RAPGEF5: variants seen among roughly 807,000 people sequenced by gnomAD.
RAPGEF5 encodes Rap guanine nucleotide exchange factor 5.
RAPGEF5 carries 65 observed loss-of-function variants against 125.2 expected under a neutral mutation model. That is an observed-to-expected ratio of 0.52 (90% CI 0.43 to 0.64). RAPGEF5 has a LOEUF of 0.64. Among genes scored for constraint, RAPGEF5 ranks in the 30% least tolerant of loss-of-function variants. The probability of loss-of-function intolerance (pLI) is 0.00; values close to 1 mark genes in which losing one functional copy is unlikely to be tolerated. For synonymous variants in RAPGEF5, 391 were observed against 385.9 expected (o/e 1.01, Z -0.16); for missense variants, 958 against 1,048.1 (o/e 0.91, Z 1.19).
intron 1 of RAPGEF5, among the ~76,000 whole-genome samples, chr7:22,338,065 T>C (rs755158110): frequency 5.3e-5 from 8 of 152,242 alleles, no homozygotes; most frequent in South Asian, 2.1e-4. Flanking sequence ...AGTAAAAGTA[T>C]TTTTAGCAAG....
In RAPGEF5 at chr7:22,357,099, C is replaced by G; in HGVS notation, c.-39G>C. ...TGCGGCGCCGGGGGCTCCTCTCCACCGCGCTCGCCTCCGCGCGCCGTCCGC... is the reference window on the plus strand; with the variant it reads ...TGCGGCGCCGGGGGCTCCTCTCCACGGCGCTCGCCTCCGCGCGCCGTCCGC... On this transcript the variant is annotated 5_prime_UTR_variant, in exon 1 of 26. Coordinates refer to ENST00000665637, the MANE Select transcript of RAPGEF5 (RefSeq NM_012294.5). 3.0e-6 allele frequency: 3 copies of G among 989,698 alleles called. No homozygotes were observed. The highest frequency in any genetic ancestry group is 3.6e-6 in the Non-Finnish European group (3 of 825,346). 61.3% of individuals were successfully genotyped at this position (989,698 alleles called of 1,614,324 possible).
chr7:22,250,986 A>C (rs991446150), intron 7 of RAPGEF5, among the ~76,000 whole-genome samples: 10 of 152,236 alleles, frequency 6.6e-5, no homozygotes, highest in African/African-American at 2.2e-4. Flanking sequence ...AGAACTGCTA[A>C]ATTTTGGTAG....
At chr7:22,344,458 G>A (rs1028280577) in intron 1 of RAPGEF5, among the ~76,000 whole-genome samples, 1 of 152,162 alleles carries the variant, frequency 6.6e-6, no homozygotes, top group Non-Finnish European at 1.5e-5. Context: ...GAGGTGACGC[G>A]ATTGAGGAGG....
At chr7:22,315,233 G>A (rs1783563258) in intron 3 of RAPGEF5, 137 bp downstream of exon 3, 1 of 982,816 alleles carries the variant, frequency 1.0e-6, no homozygotes, top group Non-Finnish European at 1.4e-6. Context: ...GTCACCATCA[G>A]TTTCCCCAAT....
intron 9 of RAPGEF5, among the ~76,000 whole-genome samples, chr7:22,201,092 T>G (rs1265092874): frequency 6.6e-6 from 1 of 152,030 alleles, no homozygotes; most frequent in Admixed American, 6.6e-5. Context: ...AAGAGGGAGA[T>G]CTTAACTAGC....
intron 1 of RAPGEF5, among the ~76,000 whole-genome samples, chr7:22,345,376 CA>C (rs931428075): frequency 6.6e-6 from 1 of 152,172 alleles, no homozygotes; most frequent in African/African-American, 2.4e-5. Flanking sequence ...CAATTTCAGG[CA>C]CTGATGATGA....
chr7:22,313,303 C>T (rs1783515768), intron 3 of RAPGEF5, among the ~76,000 whole-genome samples: 1 of 152,202 alleles, frequency 6.6e-6, no homozygotes, highest in Non-Finnish European at 1.5e-5. Context: ...AATGACGTCT[C>T]AGAAACCAGT....
intron 7 of RAPGEF5, among the ~76,000 whole-genome samples, chr7:22,248,964 T>C (rs1171160351): frequency 6.6e-6 from 1 of 152,152 alleles, no homozygotes; most frequent in African/African-American, 2.4e-5. Flanking sequence ...CTGAAATTTC[T>C]CACAGTCATT....
chr7:22,281,285 C>T (rs943751243), intron 6 of RAPGEF5, among the ~76,000 whole-genome samples: 3 of 152,218 alleles, frequency 2.0e-5, no homozygotes, highest in Non-Finnish European at 2.9e-5. Flanking sequence ...GAGCTCAGCT[C>T]ACTGCTACCT....
intron 8 of RAPGEF5, among the ~76,000 whole-genome samples, chr7:22,225,838 A>G (rs1279751370): frequency 6.6e-6 from 1 of 152,206 alleles, no homozygotes; most frequent in Non-Finnish European, 1.5e-5. Flanking sequence ...GTCTGTTTTG[A>G]AAAAAAGTCT....
At chr7:22,322,465 T>G (rs1231611298) in intron 1 of RAPGEF5, among the ~76,000 whole-genome samples, 1 of 152,110 alleles carries the variant, frequency 6.6e-6, no homozygotes, top group East Asian at 1.9e-4. Flanking sequence ...ATATTTTGCA[T>G]GCATCACATT....
intron 16 of RAPGEF5, 149 bp from the exon 17 acceptor site, chr7:22,154,753 T>C: frequency 1.4e-6 from 1 of 718,984 alleles, no homozygotes; most frequent in Admixed American, 3.2e-5. Context: ...AGATTTTTTA[T>C]ATATGTACAT....
chr7:22,247,777 T>A lies in RAPGEF5; in HGVS notation c.797-16858A>T, dbSNP rs140123080. ...AAAAAAAAATGGTACATATATACCA[T>A]GAAATACTATGCAGCCATAAAAATA... On this transcript the variant is annotated intron_variant, in intron 7 of 25. Transcript: ENST00000665637. 2.8e-3 allele frequency among the ~76,000 whole-genome samples: 420 copies of A among 152,078 alleles called. 1 individual carries two copies. The highest frequency in any genetic ancestry group is 8.9e-3 in the African/African-American group (369 of 41,472).
intron 1 of RAPGEF5, among the ~76,000 whole-genome samples, chr7:22,337,230 T>C (rs1200114398): frequency 6.6e-6 from 1 of 152,202 alleles, no homozygotes; most frequent in Non-Finnish European, 1.5e-5. Context: ...GTTGGGGATG[T>C]AATCGCAATC....
intron 1 of RAPGEF5, among the ~76,000 whole-genome samples, chr7:22,335,708 CA>C (rs1562534852): frequency 1.5e-5 from 1 of 66,688 alleles, no homozygotes; most frequent in African/African-American, 5.3e-5. Context: ...AAAAAAACAA[CA>C]AAACAACAAC....
At chr7:22,316,481 A>AT (rs1783598173) in intron 2 of RAPGEF5, among the ~76,000 whole-genome samples, 23 of 42,612 alleles carry the variant, frequency 5.4e-4, no homozygotes, top group Non-Finnish European at 8.1e-4. Context: ...ATATATATAT[A>AT]TATATATATT....
At chr7:22,150,349 A>C in intron 18 of RAPGEF5, 58 bp downstream of exon 18, 1 of 1,540,434 alleles carries the variant, frequency 6.5e-7, no homozygotes, top group South Asian at 1.2e-5. Flanking sequence ...CTCAGATTAC[A>C]GGTATGAGCC....
chr7:22,349,570 A>T (rs1784291910), intron 1 of RAPGEF5, among the ~76,000 whole-genome samples: 1 of 152,202 alleles, frequency 6.6e-6, no homozygotes, highest in Admixed American at 6.6e-5. Context: ...ACCCTTGATT[A>T]TATTAATGTA....
At chr7:22,246,688 C>T (rs1315385686) in intron 7 of RAPGEF5, among the ~76,000 whole-genome samples, 10 of 151,950 alleles carry the variant, frequency 6.6e-5, no homozygotes, top group Admixed American at 6.6e-4. Flanking sequence ...TATTACTAGG[C>T]CTTCAAAAGC....
Sources: allele counts gnomAD v4.1 joint callset (sites outside exome capture counted in the v4.1 genomes callset), GRCh38; gene constraint gnomAD v4.1.1; transcripts MANE v1.5; gene names NCBI Gene and HGNC (gene_info 2026-07-23, HGNC 2026-07-21).